Variants in CNTNAP3B observed in about 807,000 individuals in gnomAD.
CNTNAP3B encodes contactin associated protein family member 3B, also known as contactin-associated protein-like 3B.
In CNTNAP3B, 25 loss-of-function variants were observed where a neutral mutation model predicts 108.9. That is an observed-to-expected ratio of 0.23 (90% CI 0.17 to 0.32). The LOEUF is 0.32. Among genes scored for constraint, CNTNAP3B ranks in the 10% least tolerant of loss-of-function variants. CNTNAP3B has a pLI of 1.00. For synonymous variants in CNTNAP3B, 103 were observed against 473.4 expected (o/e 0.22, Z 10.16); for missense variants, 252 against 1,210.4 (o/e 0.21, Z 11.75).
intron 10 of CNTNAP3B, among the ~76,000 whole-genome samples, chr9:41,967,460 C>G (rs1483869930): frequency 1.3e-5 from 2 of 151,966 alleles, no homozygotes; most frequent in African/African-American, 2.4e-5. Context: ...ATCCATTAAG[C>G]CTTTTTTCTT....
At chr9:41,924,642 C>A (rs1342127233) in intron 15 of CNTNAP3B, among the ~76,000 whole-genome samples, 2 of 122,114 alleles carry the variant, frequency 1.6e-5, no homozygotes, top group Admixed American at 8.6e-5. Flanking sequence ...TGCTTTCCTT[C>A]CTGCACACAC....
intron 3 of CNTNAP3B, among the ~76,000 whole-genome samples, chr9:42,047,728 C>A (rs1174980989): frequency 3.5e-5 from 3 of 85,782 alleles, no homozygotes; most frequent in African/African-American, 1.5e-4. Context: ...TGCACCAGCA[C>A]CCTGCCCCTC....
intron 2 of CNTNAP3B, among the ~76,000 whole-genome samples, chr9:42,091,876 G>A (rs1172096062): frequency 1.0e-5 from 1 of 95,692 alleles, no homozygotes. Context: ...AAATAAATAG[G>A]AAGATACATG....
At chr9:41,928,210 T>A (rs962825711) in intron 15 of CNTNAP3B, among the ~76,000 whole-genome samples, 5 of 152,246 alleles carry the variant, frequency 3.3e-5, no homozygotes, top group African/African-American at 1.2e-4. Flanking sequence ...AAACACAAAA[T>A]TTCTGGGTCA....
chr9:41,929,541 G>A (rs562995207), intron 14 of CNTNAP3B, 97 bp from the exon 15 acceptor site: 1 of 1,436,326 alleles, frequency 7.0e-7, no homozygotes, highest in Admixed American at 2.1e-5. Context: ...TAACATCATA[G>A]AGCTTAACAG....
chr9:41,927,665 C>T (rs1313056894), intron 15 of CNTNAP3B, among the ~76,000 whole-genome samples: 2 of 151,268 alleles, frequency 1.3e-5, no homozygotes, highest in Non-Finnish European at 3.0e-5. Flanking sequence ...AATATAAAAA[C>T]CAATTCAGTA....
chr9:42,095,578 C>T (rs1329428455), intron 2 of CNTNAP3B, among the ~76,000 whole-genome samples: 1 of 137,898 alleles, frequency 7.3e-6, no homozygotes, highest in South Asian at 2.3e-4. Context: ...AATCATTCTG[C>T]AGGTATAAAT....
At chr9:41,932,475 C>G (rs868077892) in intron 14 of CNTNAP3B, among the ~76,000 whole-genome samples, 198 of 150,478 alleles carry the variant, frequency 1.3e-3, no homozygotes, top group African/African-American at 4.6e-3. Flanking sequence ...GCAAAGAAAG[C>G]TAAAAGGGAG....
At position 42,057,369 on chromosome 9, in the gene CNTNAP3B, T is replaced by TAAAA. The variant is rs1396611360; in HGVS notation, c.390+19499_390+19500insTTTT. ...ACAGGAGCACGCCACCACACCCAGC[T>TAAAA]AATTTCTGTATTTTTAGTAGAGACA... On this transcript the variant is annotated intron_variant, in intron 3 of 23. Transcript: ENST00000377561. Among the ~76,000 whole-genome samples the TAAAA allele has an allele frequency of 4.7e-5, 4 of 85,080 alleles. 1 individual carries two copies. Among genetic ancestry groups the TAAAA allele is most frequent in the African/African-American group, 1.8e-4 (4 of 21,956 alleles). 55.8% of individuals were successfully genotyped at this position (85,080 alleles called of 152,430 possible).
intron 1 of CNTNAP3B, among the ~76,000 whole-genome samples, chr9:42,127,660 C>T (rs1178744170): frequency 7.2e-6 from 1 of 139,730 alleles, no homozygotes; most frequent in African/African-American, 2.8e-5. Context: ...TCACAAAGCC[C>T]TCTCACAAAA....
chr9:41,966,839 C>T (rs1379525934), intron 10 of CNTNAP3B, among the ~76,000 whole-genome samples: 15 of 150,684 alleles, frequency 1.0e-4, no homozygotes, highest in East Asian at 3.9e-4. Flanking sequence ...TGGTGGCGGG[C>T]GCCTGTAGTT....
In CNTNAP3B at chr9:42,077,655, G is replaced by T. The variant is rs1402894345; in HGVS notation, c.197-593C>A. On this transcript the variant is annotated intron_variant, in intron 2 of 23. Coordinates refer to ENST00000377561, the MANE Select transcript of CNTNAP3B (RefSeq NM_001201380.3). ...GATATTGGTTAAAAAATACAAAAAG[G>T]TATGGAGTAGCAAATGGTCAAGGTG... Among the ~76,000 whole-genome samples the T allele has an allele frequency of 7.7e-5, 10 of 130,696 alleles. 1 individual carries two copies. The highest frequency in any genetic ancestry group is 1.4e-4 in the Non-Finnish European group (9 of 62,274). 85.7% of individuals were successfully genotyped at this position (130,696 alleles called of 152,430 possible). A position where few individuals can be genotyped will look rare whatever the true frequency, so the allele number is the denominator to read the frequency against.
intron 13 of CNTNAP3B, among the ~76,000 whole-genome samples, chr9:41,945,415 A>G (rs1319028568): frequency 1.3e-5 from 2 of 152,308 alleles, no homozygotes; most frequent in Non-Finnish European, 2.9e-5. Flanking sequence ...GCACATATAT[A>G]CCATGGAATA....
intron 12 of CNTNAP3B, among the ~76,000 whole-genome samples, chr9:41,954,889 T>G (rs1824808195): frequency 6.6e-6 from 1 of 152,184 alleles, no homozygotes; most frequent in Non-Finnish European, 1.5e-5. Context: ...TTTCACCATG[T>G]TGGCCAGGCT....
rs1294586155 is a variant in CNTNAP3B at position 42,126,594 on chromosome 9, C to T, written c.85+2416G>A. 4.3e-3 allele frequency among the ~76,000 whole-genome samples: 581 copies of T among 134,346 alleles called. 73 individuals are homozygous for T. The highest frequency in any genetic ancestry group is 6.7e-3 in the Non-Finnish European group (426 of 63,486). The allele number at this position is 134,346 out of a possible 152,430, so 88.1% of individuals were successfully genotyped here. Reference sequence around the variant, plus strand: ...TTTTTTTTTTTGAGACGGAGTTTTGCGTTTTGCTCTTGTTGCCCAGGCTGG... The same window carrying T: ...TTTTTTTTTTTGAGACGGAGTTTTGTGTTTTGCTCTTGTTGCCCAGGCTGG... On this transcript the variant is annotated intron_variant, in intron 1 of 23. Coordinates refer to ENST00000377561, the MANE Select transcript of CNTNAP3B (RefSeq NM_001201380.3).
chr9:41,940,558 G>A (rs1193054092), intron 13 of CNTNAP3B, among the ~76,000 whole-genome samples: 4 of 152,400 alleles, frequency 2.6e-5, no homozygotes, highest in South Asian at 2.1e-4. Flanking sequence ...GGTGGCTCAC[G>A]CCTGTAATCC....
intron 18 of CNTNAP3B, among the ~76,000 whole-genome samples, chr9:41,919,203 C>T (rs1359084029): frequency 5.3e-5 from 8 of 152,042 alleles, no homozygotes; most frequent in East Asian, 1.9e-4. Context: ...GGTGCGATCT[C>T]GACTCACTGC....
intron 18 of CNTNAP3B, among the ~76,000 whole-genome samples, chr9:41,918,944 C>T (rs933924788): frequency 2.7e-5 from 4 of 150,618 alleles, no homozygotes; most frequent in East Asian, 3.9e-4. Flanking sequence ...TTGAAAGTCA[C>T]ACAATTTATA....
intron 1 of CNTNAP3B, among the ~76,000 whole-genome samples, chr9:42,128,054 G>C (rs1396294033): frequency 7.2e-6 from 1 of 138,674 alleles, no homozygotes; most frequent in African/African-American, 2.9e-5. Context: ...AAATAAAAGT[G>C]ATTTGAGAAG....
Sources: gnomAD v4.1 joint callset for allele counts (sites outside exome capture counted in the v4.1 genomes callset) on GRCh38, gnomAD v4.1.1 for gene constraint, MANE v1.5 for transcripts, NCBI Gene and HGNC (gene_info 2026-07-23, HGNC 2026-07-21) for gene names.